UNC13B: variants seen among roughly 807,000 people sequenced by gnomAD.
UNC13B encodes protein unc-13 homolog B.
UNC13B carries 144 observed loss-of-function variants against 211.0 expected under a neutral mutation model. The ratio of observed to expected loss-of-function variants is 0.68; its 90% confidence interval spans 0.60 to 0.78. The LOEUF (loss-of-function observed/expected upper bound fraction) is 0.78, where lower values mean the gene tolerates loss of function less well. Among genes scored for constraint, UNC13B ranks in the 30% least tolerant of loss-of-function variants. The pLI is 0.00. For missense variants in UNC13B, 1,777 were observed against 2,002.0 expected (o/e 0.89, Z 2.14); for synonymous variants, 709 against 725.8 (o/e 0.98, Z 0.37).
chr9:35,295,567 G>A, intron 7 of UNC13B, 129 bp from the exon 8 acceptor site: 1 of 770,330 alleles, frequency 1.3e-6, no homozygotes, highest in East Asian at 2.6e-5. Flanking sequence ...GTCGTCACTG[G>A]GCTCATGTGA....
At chr9:35,346,860 C>T (rs968525460) in intron 11 of UNC13B, among the ~76,000 whole-genome samples, 22 of 152,040 alleles carry the variant, frequency 1.4e-4, no homozygotes, top group African/African-American at 4.6e-4. Flanking sequence ...TTGTATGCCT[C>T]GTTTTGCTGG....
chr9:35,322,092 T>C (rs1043686150), intron 11 of UNC13B, among the ~76,000 whole-genome samples: 1 of 152,242 alleles, frequency 6.6e-6, no homozygotes, highest in Non-Finnish European at 1.5e-5. Context: ...GTTACACTTA[T>C]GCTATTCCTA....
rs543062457 is a variant in UNC13B, at chr9:35,304,819, A to G, written c.5415A>G (p.Leu1805=). ...GFQSLIMSKQ[L]EGNSPNVEKS... ...AGTCATTAATCATGAGTAAGCAATTAGAGGGTAACTCCCCAAATGTGGAAA... is the reference window on the plus strand; with the variant it reads ...AGTCATTAATCATGAGTAAGCAATTGGAGGGTAACTCCCCAAATGTGGAAA... The change falls in exon 9 of 40, where the codon TTA becomes TTG. Residue 1805 remains leucine, a synonymous_variant. Transcript: ENST00000635942. The G allele has an allele frequency of 1.5e-5, 6 of 398,876 alleles. No homozygotes were observed. The highest frequency in any genetic ancestry group is 2.7e-5 in the Non-Finnish European group (6 of 226,008). The allele number at this position is 398,876 out of a possible 1,614,324, so 24.7% of individuals were successfully genotyped here. A position where few individuals can be genotyped will look rare whatever the true frequency, so the allele number is the denominator to read the frequency against.
Position 35,231,117 on chromosome 9 carries a change from A to G in UNC13B, c.53-3A>G. On this transcript the variant is annotated splice_polypyrimidine_tract_variant and splice_region_variant and intron_variant, in intron 2 of 39. Transcript: ENST00000635942. ...TATGTCTCCATTTTGTATTTTTTCAAAGATAAATTTAACACATATGTGACC... is the reference window on the plus strand; with the variant it reads ...TATGTCTCCATTTTGTATTTTTTCAGAGATAAATTTAACACATATGTGACC... 6.2e-7 allele frequency: 1 copy of G among 1,603,036 alleles called. No homozygotes were observed. Among genetic ancestry groups the G allele is most frequent in the East Asian group, 2.2e-5 (1 of 44,772 alleles).
At chr9:35,393,574 CTTTTT>C (rs749007486) in intron 26 of UNC13B, among the ~76,000 whole-genome samples, 4 of 118,864 alleles carry the variant, frequency 3.4e-5, no homozygotes, top group African/African-American at 1.3e-4. Flanking sequence ...GACTCTCTCT[CTTTTT>C]TTTTTTTTTT....
At position 35,310,747 on chromosome 9, in the gene UNC13B, C is replaced by T; in HGVS notation, c.9289C>T (p.Leu3097=). 4 of 1,613,856 alleles carry T rather than the reference C, an allele frequency of 2.5e-6. No homozygotes were observed. The South Asian group carries it at 3.3e-5, about 13-fold the overall frequency. The change falls in exon 10 of 40, where the codon CTG becomes TTG. Residue 3097 remains leucine (L), a synonymous_variant. Coordinates refer to ENST00000635942, the MANE Select transcript of UNC13B (RefSeq NM_001371189.2). ...AACCCACCCTCCCCCAGATCTGGTGCTGCAAAAAGACCACTTCCTAGGTCC... is the reference window on the plus strand; with the variant it reads ...AACCCACCCTCCCCCAGATCTGGTGTTGCAAAAAGACCACTTCCTAGGTCC... ...ATTHPPPDLV[L]QKDHFLGPQE... is the part of the protein sequence containing the mutation.
intron 7 of UNC13B, among the ~76,000 whole-genome samples, chr9:35,262,274 C>G (rs1278223917): frequency 1.3e-5 from 2 of 151,204 alleles, no homozygotes; most frequent in Non-Finnish European, 2.9e-5. Flanking sequence ...CTTTCCTTTT[C>G]CTTTTCCTTT....
At chr9:35,353,301 G>A (rs779592989) in intron 11 of UNC13B, 326 of 1,232,118 alleles carry the variant, frequency 2.6e-4, no homozygotes, top group Non-Finnish European at 3.2e-4. Context: ...CACCACTTTC[G>A]TTCTGCTCTG....
At chr9:35,345,728 A>C (rs1680753059) in intron 11 of UNC13B, among the ~76,000 whole-genome samples, 1 of 152,220 alleles carries the variant, frequency 6.6e-6, no homozygotes, top group South Asian at 2.1e-4. Flanking sequence ...TTGGTATAAA[A>C]AACCTTGCTA....
chr9:35,348,996 CA>C (rs1832544642), intron 11 of UNC13B, among the ~76,000 whole-genome samples: 1 of 152,120 alleles, frequency 6.6e-6, no homozygotes, highest in South Asian at 2.1e-4. Flanking sequence ...TGGCTCACCG[CA>C]ACCTCTGCCT....
chr9:35,259,230 G>T (rs1827115488), intron 7 of UNC13B, among the ~76,000 whole-genome samples, 180 bp downstream of exon 7: 1 of 152,166 alleles, frequency 6.6e-6, no homozygotes, highest in African/African-American at 2.4e-5. Flanking sequence ...GCTTTAGGGA[G>T]ACGTTTTTCG....
intron 1 of UNC13B, among the ~76,000 whole-genome samples, chr9:35,209,887 C>G (rs1271967277): frequency 1.3e-5 from 2 of 152,104 alleles, no homozygotes; most frequent in Non-Finnish European, 2.9e-5. Flanking sequence ...TGTTTCCCTT[C>G]TAGTGGACTA....
At chr9:35,313,781 A>G (rs945198355) in intron 10 of UNC13B, 118 bp from the exon 11 acceptor site, 1 of 740,830 alleles carries the variant, frequency 1.3e-6, no homozygotes, top group African/African-American at 1.7e-5. Flanking sequence ...GAATCACTAA[A>G]TAAGTGTAGG....
intron 1 of UNC13B, among the ~76,000 whole-genome samples, chr9:35,219,277 T>G (rs1040390176): frequency 6.6e-6 from 1 of 152,162 alleles, no homozygotes; most frequent in African/African-American, 2.4e-5. Flanking sequence ...TTTGGTCCTT[T>G]GAGTGCAGAG....
intron 15 of UNC13B, among the ~76,000 whole-genome samples, chr9:35,376,589 T>C (rs886453063): frequency 3.9e-5 from 6 of 152,204 alleles, no homozygotes; most frequent in Non-Finnish European, 8.8e-5. Context: ...CATCAGGATC[T>C]GAGGCTAATG....
intron 11 of UNC13B, among the ~76,000 whole-genome samples, chr9:35,336,781 A>G (rs551837198): frequency 5.9e-5 from 9 of 152,346 alleles, no homozygotes; most frequent in Non-Finnish European, 1.2e-4. Flanking sequence ...GGATTTTAAC[A>G]TATGAATTTT....
At chr9:35,352,982 A>G in intron 11 of UNC13B, 1 of 1,232,214 alleles carries the variant, frequency 8.1e-7, no homozygotes. Context: ...AGAGAGAATA[A>G]ACGCAGAGGA....
intron 7 of UNC13B, among the ~76,000 whole-genome samples, chr9:35,272,128 C>G (rs1047767487): frequency 1.2e-4 from 18 of 150,576 alleles, no homozygotes; most frequent in Non-Finnish European, 1.8e-4. Flanking sequence ...AGGATCCTAA[C>G]CTGATTAAGA....
chr9:35,204,093 G>T (rs1338755275), intron 1 of UNC13B, among the ~76,000 whole-genome samples: 3 of 152,230 alleles, frequency 2.0e-5, no homozygotes, highest in Non-Finnish European at 4.4e-5. Flanking sequence ...CACCAGCTGG[G>T]CTCAGAAGGG....
Sources: allele counts gnomAD v4.1 joint callset (sites outside exome capture counted in the v4.1 genomes callset), GRCh38; gene constraint gnomAD v4.1.1; transcripts MANE v1.5; gene names NCBI Gene and HGNC (gene_info 2026-07-23, HGNC 2026-07-21).